The following CKAP2L variants were observed in gnomAD, a reference collection of about 807,000 sequenced individuals.
CKAP2L encodes cytoskeleton-associated protein 2-like.
A neutral mutation model predicts 65.7 loss-of-function variants in CKAP2L; 42 were observed. That is an observed-to-expected ratio of 0.64 (90% CI 0.50 to 0.83). CKAP2L has a LOEUF of 0.83. Among genes scored for constraint, CKAP2L ranks in the 40% least tolerant of loss-of-function variants. The pLI is 0.00. For synonymous variants in CKAP2L, 325 were observed against 313.5 expected, an observed-to-expected ratio of 1.04 and a Z score of -0.39; for missense variants, 908 against 871.0, an observed-to-expected ratio of 1.04 and a Z score of -0.53.
Position 112,738,828 on chromosome 2 carries a change from A to T in CKAP2L, c.2233T>A (p.Ser745Thr), listed in dbSNP as rs1307578497. The change falls in exon 9 of 9, where the codon TCA becomes ACA. Residue 745 changes from serine to threonine, a missense_variant. By Grantham distance (58) the Ser-to-Thr change is moderately conservative. Coordinates refer to ENST00000302450, the MANE Select transcript of CKAP2L (RefSeq NM_152515.5). ...TTAAAAAAAGCATCAAGAAATTATG[A>T]TTCAGGGGTTTGAAACCCCAATGTT... ...PVTLGFQTPES is the reference protein window; with the variant it reads ...PVTLGFQTPET 1 of 1,594,672 alleles carries T rather than the reference A, an allele frequency of 6.3e-7. No individual in the cohort carries two copies. The highest frequency in any genetic ancestry group is 8.6e-7 in the Non-Finnish European group (1 of 1,162,360).
chr2:112,754,724 G>A (rs145627517), intron 4 of CKAP2L, among the ~76,000 whole-genome samples: 1 of 152,240 alleles, frequency 6.6e-6, no homozygotes, highest in East Asian at 1.9e-4. Flanking sequence ...AATCAAACAT[G>A]TTCAACCTGC....
At chr2:112,757,734 A>C (rs1680590108) in intron 3 of CKAP2L, among the ~76,000 whole-genome samples, 1 of 152,194 alleles carries the variant, frequency 6.6e-6, no homozygotes, top group African/African-American at 2.4e-5. Flanking sequence ...GAAGTATATT[A>C]GAATCTTTTA....
rs1209140309 is a variant in CKAP2L, at chr2:112,736,862, T to C, written c.*1961A>G. On this transcript the variant is annotated 3_prime_UTR_variant, in exon 9 of 9. Transcript: ENST00000302450. ...GATGGGCATTTAGGTTGTTTCCACA[T>C]CTTGGCTATTGAGAATAACACTGCC... 6.6e-6 allele frequency: 1 copy of C among 152,228 alleles called. No homozygotes were observed. Among genetic ancestry groups the C allele is most frequent in the Admixed American group, 6.5e-5 (1 of 15,282 alleles). The allele number at this position is 152,228 out of a possible 1,614,324, so 9.4% of individuals were successfully genotyped here. A position where few individuals can be genotyped will look rare whatever the true frequency, so the allele number is the denominator to read the frequency against.
intron 2 of CKAP2L, among the ~76,000 whole-genome samples, chr2:112,761,562 AC>A (rs1680724779): frequency 6.6e-6 from 1 of 152,016 alleles, no homozygotes; most frequent in African/African-American, 2.4e-5. Context: ...AAAAAAAAAA[AC>A]CAAGACACAC....
At position 112,749,699 on chromosome 2, in the gene CKAP2L, C is replaced by A. The variant is rs184245997; in HGVS notation, c.1602+2568G>T. ...AAGAACTCAAAATGGGAATCTCAAG[C>A]TATTTAGAAATGAACAATGACAAGA... On this transcript the variant is annotated intron_variant, in intron 5 of 8. Transcript: ENST00000302450. Among the ~76,000 whole-genome samples, 310 of 152,298 alleles carry A rather than the reference C, an allele frequency of 2.0e-3. 1 individual carries two copies. The highest frequency in any genetic ancestry group is 7.1e-3 in the African/African-American group (294 of 41,558).
At chr2:112,762,475 T>C (rs1290879688) in intron 2 of CKAP2L, 28 bp downstream of exon 2, 1 of 1,595,414 alleles carries the variant, frequency 6.3e-7, no homozygotes, top group South Asian at 1.1e-5. Flanking sequence ...GCAACAAAAC[T>C]TGCGTAACTG....
chr2:112,750,180 C>T (rs762308736), intron 5 of CKAP2L, among the ~76,000 whole-genome samples: 4 of 152,166 alleles, frequency 2.6e-5, no homozygotes, highest in Non-Finnish European at 4.4e-5. Flanking sequence ...CTTTGTTCTC[C>T]TAGACCCAGT....
At chr2:112,757,302 AAAAATAATCATTTTT>A in intron 3 of CKAP2L, 88 bp from the exon 4 acceptor site, 1 of 931,114 alleles carries the variant, frequency 1.1e-6, no homozygotes, top group East Asian at 2.8e-5. Context: ...ACATGCTAAA[AAAAATAATCATTTTT>A]AGAATTTCAT....
At chr2:112,741,940 G>GTTTCTTT (rs1476978182) in intron 7 of CKAP2L, among the ~76,000 whole-genome samples, 1 of 71,900 alleles carries the variant, frequency 1.4e-5, no homozygotes, top group Non-Finnish European at 2.5e-5. Context: ...TTTCTTTTCT[G>GTTTCTTT]TTTTTTTTTT....
At chr2:112,744,941 CAAT>C (rs1203835685) in intron 6 of CKAP2L, among the ~76,000 whole-genome samples, 1 of 151,900 alleles carries the variant, frequency 6.6e-6, no homozygotes, top group Non-Finnish European at 1.5e-5. Flanking sequence ...AACAAACAAA[CAAT>C]AACAAGAGAG....
chr2:112,741,666 C>T (rs1193967048), intron 7 of CKAP2L, among the ~76,000 whole-genome samples: 2 of 152,158 alleles, frequency 1.3e-5, no homozygotes, highest in African/African-American at 4.8e-5. Flanking sequence ...GAATTGTAGC[C>T]TCATTCTCAA....
At chr2:112,752,244 A>C in intron 5 of CKAP2L, 23 bp downstream of exon 5, 2 of 1,561,610 alleles carry the variant, frequency 1.3e-6, no homozygotes, top group Non-Finnish European at 1.8e-6. Flanking sequence ...CCAAAGCTGG[A>C]GGAGCTTATC....
In CKAP2L at chr2:112,740,976, A is replaced by G. The variant is rs761163846; in HGVS notation, c.1854T>C (p.Thr618=). 20 of 1,613,384 alleles carry G rather than the reference A, an allele frequency of 1.2e-5. No homozygotes were observed. The highest frequency in any genetic ancestry group is 1.6e-5 in the Non-Finnish European group (19 of 1,179,536). Residue 618 remains threonine, a synonymous_variant, in exon 8 of 9, where the codon ACT becomes ACC. Transcript: ENST00000302450. ...CCAGCTCTTCCACTGATGTTATACTAGTTTCAGCAACTAAAGAGTCAGAAG... is the reference window on the plus strand; with the variant it reads ...CCAGCTCTTCCACTGATGTTATACTGGTTTCAGCAACTAAAGAGTCAGAAG... The part of the protein sequence containing the change: ...GITSDSLVAE[T]SITSVEELAK...
chr2:112,752,206 A>G (rs1298490066), intron 5 of CKAP2L, 61 bp downstream of exon 5: 1 of 1,194,506 alleles, frequency 8.4e-7, no homozygotes, highest in African/African-American at 1.5e-5. Context: ...ATATTTAGGA[A>G]TATGTTTAAA....
chr2:112,758,097 T>C (rs1053292313), intron 3 of CKAP2L, among the ~76,000 whole-genome samples: 8 of 152,200 alleles, frequency 5.3e-5, no homozygotes, highest in Middle Eastern at 3.2e-3. Flanking sequence ...AACATCTTAA[T>C]AGTCATATTT....
chr2:112,737,127 A>T lies in CKAP2L; in HGVS notation c.*1696T>A, dbSNP rs1679315180. 6.6e-6 allele frequency: 1 copy of T among 152,104 alleles called. No individual in the cohort carries two copies. Among genetic ancestry groups the T allele is most frequent in the Non-Finnish European group, 1.5e-5 (1 of 68,044 alleles). The allele number at this position is 152,104 out of a possible 1,614,324, so 9.4% of individuals were successfully genotyped here. A position where few individuals can be genotyped will look rare whatever the true frequency, so the allele number is the denominator to read the frequency against. The stretch of plus-strand genomic sequence containing the variant: ...TTTTTAGTAGAGACGGGGTTTCACC[A>T]TGTTGGTCAAGCTGGTCTTGAACTC... On this transcript the variant is annotated 3_prime_UTR_variant, in exon 9 of 9. Coordinates refer to ENST00000302450, the MANE Select transcript of CKAP2L (RefSeq NM_152515.5).
chr2:112,762,546 C>A lies in CKAP2L; in HGVS notation c.61G>T (p.Glu21Ter). The A allele has an allele frequency of 6.2e-7, 1 of 1,613,964 alleles. No homozygotes were observed. The highest frequency in any genetic ancestry group is 8.5e-7 in the Non-Finnish European group (1 of 1,179,878). Residue 21 changes from glutamate to a stop codon, truncating the protein, a stop_gained, in exon 2 of 9, where the codon GAG becomes TAG. Coordinates refer to ENST00000302450, the MANE Select transcript of CKAP2L (RefSeq NM_152515.5). LOFTEE classifies it high-confidence loss of function. Reference protein sequence around the residue: ...AVEERQRKLQEYLAAKGKLKS... With the variant: ...AVEERQRKLQ The stretch of plus-strand genomic sequence containing the variant: ...AGTTTTCCCTTGGCTGCAAGGTACT[C>A]CTGAAGCTTTCTCTGCCGCTCTTCT...
At chr2:112,742,068 G>A (rs1184773597) in intron 7 of CKAP2L, among the ~76,000 whole-genome samples, 1 of 151,328 alleles carries the variant, frequency 6.6e-6, no homozygotes, top group East Asian at 1.9e-4. Context: ...GGGATTACAG[G>A]CGTGAGCTAC....
chr2:112,750,220 A>C (rs750747852), intron 5 of CKAP2L, among the ~76,000 whole-genome samples: 1 of 152,076 alleles, frequency 6.6e-6, no homozygotes, highest in Admixed American at 6.5e-5. Flanking sequence ...CAGTTATCAC[A>C]TTACCTCAGG....
Sources: allele counts gnomAD v4.1 joint callset (sites outside exome capture counted in the v4.1 genomes callset), GRCh38; gene constraint gnomAD v4.1.1; transcripts MANE v1.5; gene names NCBI Gene and HGNC (gene_info 2026-07-23, HGNC 2026-07-21).